Variants in TCF7L1 observed in about 807,000 individuals in gnomAD.
The protein encoded by TCF7L1 is transcription factor 7 like 1.
Under a neutral mutation model 63.7 loss-of-function variants are expected in TCF7L1, and 18 were observed. The observed-to-expected ratio is 0.28, with a 90% CI of 0.20 to 0.42. The LOEUF (loss-of-function observed/expected upper bound fraction) is 0.42. Ranked by LOEUF, TCF7L1 falls within the 10% of genes least tolerant of loss-of-function variation. The pLI is 1.00. For synonymous variants in TCF7L1, 355 were observed against 340.9 expected (o/e 1.04, Z -0.46); for missense variants, 654 against 779.3 (o/e 0.84, Z 1.91).
rs559507727 is a variant in TCF7L1, at chr2:85,160,010, A to G, written c.441+25560A>G. Reference sequence around the variant, plus strand: ...GGTGGGGGAGTTCACGCCATGTCCCATCTCCAGCCAGTGCTTTTCTCACTC... The same window carrying G: ...GGTGGGGGAGTTCACGCCATGTCCCGTCTCCAGCCAGTGCTTTTCTCACTC... On this transcript the variant is annotated intron_variant, in intron 3 of 11. Transcript: ENST00000282111. 2.3e-4 allele frequency among the ~76,000 whole-genome samples: 35 copies of G among 152,234 alleles called. 1 individual carries two copies. The highest frequency in any genetic ancestry group is 2.0e-3 in the Admixed American group (31 of 15,296).
chr2:85,310,298 TTC>T lies in TCF7L1; in HGVS notation c.*838_*839del, dbSNP rs1354419612. 1.3e-5 allele frequency: 2 copies of T among 152,616 alleles called. No homozygotes were observed. The highest frequency in any genetic ancestry group is 3.8e-4 in the East Asian group (2 of 5,208). The allele number at this position is 152,616 out of a possible 1,614,324, so 9.5% of individuals were successfully genotyped here. On this transcript the variant is annotated 3_prime_UTR_variant, in exon 12 of 12. Transcript: ENST00000282111. ...CCTCACATGCTTCTTCTGTGTGTATTTCTTTTTGTTTTTATGGTTTTTGGAGC... is the reference window on the plus strand; with the variant it reads ...CCTCACATGCTTCTTCTGTGTGTATTTTTTTGTTTTTATGGTTTTTGGAGC...
chr2:85,265,581 C>G (rs1329105703), intron 3 of TCF7L1, among the ~76,000 whole-genome samples: 1 of 152,214 alleles, frequency 6.6e-6, no homozygotes, highest in African/African-American at 2.4e-5. Context: ...AGTCACAGCA[C>G]TTACTGGCCC....
At chr2:85,171,171 A>C (rs2104235909) in intron 3 of TCF7L1, among the ~76,000 whole-genome samples, 1 of 152,248 alleles carries the variant, frequency 6.6e-6, no homozygotes, top group Admixed American at 6.5e-5. Flanking sequence ...CCTTTATAAA[A>C]CCATCAGCTC....
chr2:85,185,634 G>A (rs1428101389), intron 3 of TCF7L1, among the ~76,000 whole-genome samples: 1 of 152,052 alleles, frequency 6.6e-6, no homozygotes, highest in Admixed American at 6.5e-5. Context: ...CTGCTTGTGG[G>A]TTTTCTGGGG....
intron 3 of TCF7L1, among the ~76,000 whole-genome samples, chr2:85,278,823 T>C (rs1681344625): frequency 6.6e-6 from 1 of 152,260 alleles, no homozygotes; most frequent in Non-Finnish European, 1.5e-5. Context: ...AAGACAGTAG[T>C]ACCTGCCGTT....
intron 3 of TCF7L1, among the ~76,000 whole-genome samples, chr2:85,258,481 C>T (rs1406249369): frequency 6.6e-6 from 1 of 152,130 alleles, no homozygotes; most frequent in Non-Finnish European, 1.5e-5. Flanking sequence ...GGGATGTTTC[C>T]ATGTGTGGTC....
At chr2:85,258,311 C>T (rs760700989) in intron 3 of TCF7L1, among the ~76,000 whole-genome samples, 3 of 152,156 alleles carry the variant, frequency 2.0e-5, no homozygotes, top group Non-Finnish European at 4.4e-5. Flanking sequence ...GGCCAGGAAT[C>T]CACGGAGCTG....
At chr2:85,165,521 C>T (rs1042961895) in intron 3 of TCF7L1, among the ~76,000 whole-genome samples, 1 of 152,184 alleles carries the variant, frequency 6.6e-6, no homozygotes, top group Non-Finnish European at 1.5e-5. Context: ...TGAGACGTGA[C>T]CTTCTGGGTC....
intron 11 of TCF7L1, among the ~76,000 whole-genome samples, chr2:85,308,267 G>GC (rs576517087): frequency 4.2e-4 from 63 of 150,042 alleles, no homozygotes; most frequent in East Asian, 1.0e-3. Context: ...TTTAGGTCAC[G>GC]CCCCCCATCT....
chr2:85,150,220 T>C (rs904648285), intron 3 of TCF7L1, among the ~76,000 whole-genome samples: 1 of 152,068 alleles, frequency 6.6e-6, no homozygotes, highest in African/African-American at 2.4e-5. Flanking sequence ...TCGGCCTGTC[T>C]CTCATGTTCT....
chr2:85,150,272 C>T (rs1406128522), intron 3 of TCF7L1, among the ~76,000 whole-genome samples: 2 of 148,274 alleles, frequency 1.3e-5, no homozygotes, highest in Non-Finnish European at 1.5e-5. Flanking sequence ...CTCGCTCTGT[C>T]GCCCGGGCTG....
chr2:85,177,127 C>T (rs1338789556), intron 3 of TCF7L1, among the ~76,000 whole-genome samples: 1 of 151,976 alleles, frequency 6.6e-6, no homozygotes, highest in Non-Finnish European at 1.5e-5. Flanking sequence ...TGGTGAGGAC[C>T]CTCTTCCAAG....
At chr2:85,279,453 G>GAATT (rs1681360796) in intron 3 of TCF7L1, among the ~76,000 whole-genome samples, 1 of 152,080 alleles carries the variant, frequency 6.6e-6, no homozygotes, top group African/African-American at 2.4e-5. Context: ...ACTCTAGTTG[G>GAATT]GCTAGGCCTG....
At chr2:85,201,617 C>T (rs1003423669) in intron 3 of TCF7L1, among the ~76,000 whole-genome samples, 2 of 152,196 alleles carry the variant, frequency 1.3e-5, no homozygotes, top group African/African-American at 4.8e-5. Flanking sequence ...AACTGTATAT[C>T]TAGGAGTGGA....
At chr2:85,302,167 C>T (rs1301445772) in intron 4 of TCF7L1, among the ~76,000 whole-genome samples, 3 of 152,012 alleles carry the variant, frequency 2.0e-5, no homozygotes, top group Non-Finnish European at 4.4e-5. Context: ...TTTTTAGATT[C>T]AATGAGATGA....
At chr2:85,193,984 CT>C (rs1679093915) in intron 3 of TCF7L1, among the ~76,000 whole-genome samples, 1 of 151,260 alleles carries the variant, frequency 6.6e-6, no homozygotes, top group Non-Finnish European at 1.5e-5. Context: ...AAAAAAGGCC[CT>C]CCTGTGGCTG....
At chr2:85,152,825 C>G (rs1451791598) in intron 3 of TCF7L1, among the ~76,000 whole-genome samples, 1 of 152,056 alleles carries the variant, frequency 6.6e-6, no homozygotes, top group African/African-American at 2.4e-5. Context: ...ATGATAATTG[C>G]TTTCTACATA....
Position 85,309,253 on chromosome 2 carries a change from G to T in TCF7L1, c.1558G>T (p.Ala520Ser). ...ETRAQLALHS[A>S]AFLSAKAAAS... Reference sequence around the variant, plus strand: ...CCGGGCCCAGCTGGCTCTCCACTCTGCCGCCTTCCTGTCGGCTAAGGCTGC... The same window carrying T: ...CCGGGCCCAGCTGGCTCTCCACTCTTCCGCCTTCCTGTCGGCTAAGGCTGC... Residue 520 changes from alanine to serine, a missense_variant, in exon 12 of 12, where the codon GCC (alanine) becomes TCC (serine). Physicochemically the swap from Ala to Ser is moderately conservative, Grantham distance 99 (BLOSUM62 1). This residue lies in a region of TCF7L1 where 184 missense variants were observed against 204.0 expected (regional missense o/e 0.90). Coordinates refer to ENST00000282111, the MANE Select transcript of TCF7L1 (RefSeq NM_031283.3). The T allele has an allele frequency of 6.2e-7, 1 of 1,613,846 alleles. No individual in the cohort carries two copies. The highest frequency in any genetic ancestry group is 8.5e-7 in the Non-Finnish European group (1 of 1,179,998).
chr2:85,159,542 G>A (rs932626265), intron 3 of TCF7L1, among the ~76,000 whole-genome samples: 1 of 152,184 alleles, frequency 6.6e-6, no homozygotes, highest in African/African-American at 2.4e-5. Context: ...AAGATCTGAG[G>A]GAATGTGAAA....
Sources: allele counts gnomAD v4.1 joint callset (sites outside exome capture counted in the v4.1 genomes callset), GRCh38; gene constraint gnomAD v4.1.1; regional missense constraint gnomAD v4.1.1; transcripts MANE v1.5; gene names NCBI Gene and HGNC (gene_info 2026-07-23, HGNC 2026-07-21).